The following TLL1 variants were observed in gnomAD, a reference collection of about 807,000 sequenced individuals.
The protein encoded by TLL1 is tolloid like 1.
A neutral mutation model predicts 128.2 loss-of-function variants in TLL1; 49 were observed. That is an observed-to-expected ratio of 0.38 (90% CI 0.30 to 0.48). TLL1 has a LOEUF of 0.48. Ranked by LOEUF, TLL1 falls within the 20% of genes least tolerant of loss-of-function variation. The probability of loss-of-function intolerance (pLI) is 0.96; values close to 1 mark genes in which losing one functional copy is unlikely to be tolerated. For missense variants in TLL1, 1,123 were observed against 1,242.0 expected, an observed-to-expected ratio of 0.90 and a Z score of 1.44; for synonymous variants, 454 against 418.8, an observed-to-expected ratio of 1.08 and a Z score of -1.03.
chr4:165,897,463 C>T (rs1179176630), intron 1 of TLL1, among the ~76,000 whole-genome samples: 2 of 152,262 alleles, frequency 1.3e-5, no homozygotes, highest in Non-Finnish European at 1.5e-5. Context: ...GTTTTCCCAA[C>T]ACCATTTATT....
At chr4:165,995,369 T>G (rs1736828349) in intron 5 of TLL1, among the ~76,000 whole-genome samples, 191 bp downstream of exon 5, 1 of 152,210 alleles carries the variant, frequency 6.6e-6, no homozygotes, top group Non-Finnish European at 1.5e-5. Flanking sequence ...GTGCATCTAC[T>G]GCAAGTGTAT....
intron 1 of TLL1, among the ~76,000 whole-genome samples, chr4:165,918,216 A>C (rs1732873645): frequency 6.6e-6 from 1 of 152,082 alleles, no homozygotes; most frequent in East Asian, 1.9e-4. Flanking sequence ...CCATCATTTG[A>C]AATCCTTTTT....
chr4:166,014,616 T>A (rs1737852695), intron 8 of TLL1, 56 bp downstream of exon 8: 3 of 1,604,304 alleles, frequency 1.9e-6, no homozygotes, highest in Non-Finnish European at 2.6e-6. Context: ...CTCTTCCAGA[T>A]GAATAAGCCA....
intron 19 of TLL1, among the ~76,000 whole-genome samples, chr4:166,094,587 G>A (rs969146589): frequency 1.3e-5 from 2 of 152,134 alleles, no homozygotes; most frequent in African/African-American, 4.8e-5. Context: ...TGAGAAATTT[G>A]AGGCTAAAAC....
At position 165,929,196 on chromosome 4, in the gene TLL1, C is replaced by T. The variant is rs563692191; in HGVS notation, c.169+55123C>T. ...CTTAGTGTGAACTAAGCCACCAACA[C>T]GATTTTCTTTGGTAGCCGTGAAAGT... On this transcript the variant is annotated intron_variant, in intron 1 of 20. Coordinates refer to ENST00000061240, the MANE Select transcript of TLL1 (RefSeq NM_012464.5). Among the ~76,000 whole-genome samples the T allele has an allele frequency of 4.6e-5, 7 of 152,106 alleles. No homozygotes were observed. The South Asian group carries it at 1.0e-3, about 23-fold the overall frequency.
intron 17 of TLL1, among the ~76,000 whole-genome samples, 156 bp from the exon 18 acceptor site, chr4:166,077,747 C>T (rs1405158323): frequency 6.6e-6 from 1 of 152,080 alleles, no homozygotes; most frequent in Non-Finnish European, 1.5e-5. Flanking sequence ...AACGTATTTT[C>T]CAGAGCAGAT....
intron 15 of TLL1, among the ~76,000 whole-genome samples, chr4:166,062,004 G>T (rs184166699): frequency 0.012 from 1,760 of 152,086 alleles, 40 homozygotes; most frequent in African/African-American, 0.039. Flanking sequence ...TTTTTGTCAG[G>T]TTTGTCAAAG....
chr4:165,927,070 C>G (rs1389968447), intron 1 of TLL1, among the ~76,000 whole-genome samples: 1 of 152,156 alleles, frequency 6.6e-6, no homozygotes, highest in Non-Finnish European at 1.5e-5. Context: ...GAGTAGAACT[C>G]TGCAAACTAT....
chr4:166,068,146 G>A (rs552441780), intron 16 of TLL1, among the ~76,000 whole-genome samples: 95 of 151,870 alleles, frequency 6.3e-4, no homozygotes, highest in African/African-American at 2.2e-3. Context: ...GGTTCTGGAT[G>A]AGTGATTAGA....
Position 166,091,354 on chromosome 4 carries a change from A to G in TLL1, c.2656+13A>G, listed in dbSNP as rs2254420. 1,541,648 of 1,609,960 alleles carry G rather than the reference A, an allele frequency of 0.96. 739,752 individuals carry two copies. The highest frequency in any genetic ancestry group is 1 in the East Asian group (44,508 of 44,596). On this transcript the variant is annotated intron_variant, in intron 19 of 20. Coordinates refer to ENST00000061240, the MANE Select transcript of TLL1 (RefSeq NM_012464.5). ...ACACATTCTACAGGTCAGCAAATTC[A>G]AGTCATGCTTCTCTTTTTTGACTGA...
chr4:166,008,093 C>G, intron 7 of TLL1, 45 bp downstream of exon 7: 1 of 1,377,226 alleles, frequency 7.3e-7, no homozygotes, highest in East Asian at 2.3e-5. Context: ...TTCCTTTCCT[C>G]CATGTGGCTC....
intron 1 of TLL1, among the ~76,000 whole-genome samples, chr4:165,982,089 A>C (rs1469289252): frequency 6.6e-6 from 1 of 151,978 alleles, no homozygotes; most frequent in East Asian, 1.9e-4. Context: ...ACGCCAAATA[A>C]TGTGATTGAT....
chr4:165,938,213 C>A (rs974525381), intron 1 of TLL1, among the ~76,000 whole-genome samples: 2 of 151,982 alleles, frequency 1.3e-5, no homozygotes, highest in African/African-American at 4.8e-5. Flanking sequence ...TTTGAAAGTA[C>A]CATCCCATTG....
chr4:165,883,713 A>G (rs1731057930), intron 1 of TLL1, among the ~76,000 whole-genome samples: 1 of 152,148 alleles, frequency 6.6e-6, no homozygotes, highest in African/African-American at 2.4e-5. Flanking sequence ...TTGTGGGATA[A>G]ATGTCTTTGT....
chr4:166,052,961 A>ATGTGTGTGTGTG (rs139204407), intron 12 of TLL1, among the ~76,000 whole-genome samples: 6 of 109,116 alleles, frequency 5.5e-5, no homozygotes, highest in African/African-American at 2.2e-4. Context: ...ATAAGAGGTT[A>ATGTGTGTGTGTG]TGTGTATATA....
rs1286713651 is a variant in TLL1 at position 166,042,056 on chromosome 4, G to A, written c.1291G>A (p.Val431Ile). The part of the protein sequence containing the change: ...GRFCGDKLPE[V>I]LTSTDSRMWI... ...ATTCTGTGGGGACAAATTGCCTGAA[G>A]TTCTTACTTCTACAGACAGCAGAAT... The change falls in exon 11 of 21, where the codon GTT becomes ATT. Residue 431 changes from valine (V) to isoleucine (I), a missense_variant. Transcript: ENST00000061240. 6.2e-6 allele frequency: 10 copies of A among 1,611,916 alleles called. No individual in the cohort carries two copies. Among genetic ancestry groups the A allele is most frequent in the Non-Finnish European group, 8.5e-7 (1 of 1,178,476 alleles).
At chr4:166,019,851 A>T (rs1738134234) in intron 8 of TLL1, among the ~76,000 whole-genome samples, 1 of 152,194 alleles carries the variant, frequency 6.6e-6, no homozygotes, top group Admixed American at 6.5e-5. Context: ...ATATTTATTC[A>T]TATATGCCAA....
At chr4:165,930,386 A>G (rs1052257290) in intron 1 of TLL1, among the ~76,000 whole-genome samples, 2 of 152,314 alleles carry the variant, frequency 1.3e-5, no homozygotes, top group South Asian at 4.1e-4. Context: ...CTTAAAGACT[A>G]TTCACTATAT....
chr4:166,098,430 A>G (rs1051502288), intron 19 of TLL1, among the ~76,000 whole-genome samples: 2 of 151,728 alleles, frequency 1.3e-5, no homozygotes, highest in African/African-American at 2.4e-5. Context: ...TATACTAACT[A>G]AAAGGTTTTA....
Sources: gnomAD v4.1 joint callset for allele counts (sites outside exome capture counted in the v4.1 genomes callset) on GRCh38, gnomAD v4.1.1 for gene constraint, MANE v1.5 for transcripts, NCBI Gene and HGNC (gene_info 2026-07-23, HGNC 2026-07-21) for gene names.